MAGI2: variants seen among roughly 807,000 people sequenced by gnomAD.
The protein encoded by MAGI2 is membrane associated guanylate kinase, WW and PDZ domain containing 2.
Under a neutral mutation model 133.3 loss-of-function variants are expected in MAGI2, and 35 were observed. The ratio of observed to expected loss-of-function variants is 0.26; its 90% confidence interval spans 0.20 to 0.35. MAGI2 has a LOEUF of 0.35. Ranked by LOEUF, MAGI2 falls within the 10% of genes least tolerant of loss-of-function variation. The pLI, the probability that MAGI2 is intolerant of heterozygous loss-of-function variation, is 1.00. For synonymous variants in MAGI2, 729 were observed against 710.6 expected, an observed-to-expected ratio of 1.03 and a Z score of -0.41; for missense variants, 1,636 against 1,863.4, an observed-to-expected ratio of 0.88 and a Z score of 2.25.
At chr7:78,688,962 G>T (rs533920932) in intron 2 of MAGI2, among the ~76,000 whole-genome samples, 2 of 152,290 alleles carry the variant, frequency 1.3e-5, no homozygotes, top group East Asian at 3.9e-4. Context: ...GTCCAGGAAA[G>T]TTAACATTAT....
intron 1 of MAGI2, among the ~76,000 whole-genome samples, chr7:79,426,430 C>T (rs1157194089): frequency 6.6e-6 from 1 of 152,058 alleles, no homozygotes; most frequent in African/African-American, 2.4e-5. Context: ...ATATATTACA[C>T]TATGCCAATC....
chr7:79,222,817 A>G (rs1401255569), intron 1 of MAGI2, among the ~76,000 whole-genome samples: 1 of 152,008 alleles, frequency 6.6e-6, no homozygotes, highest in Non-Finnish European at 1.5e-5. Flanking sequence ...GAGAAAGGAG[A>G]GGGAATGCAT....
intron 2 of MAGI2, among the ~76,000 whole-genome samples, chr7:78,634,171 G>C (rs1584916172): frequency 6.6e-6 from 1 of 152,126 alleles, no homozygotes; most frequent in Admixed American, 6.5e-5. Flanking sequence ...AATCCATTTT[G>C]TCTGATTACA....
chr7:78,188,108 T>G (rs751167329), intron 12 of MAGI2, among the ~76,000 whole-genome samples: 26 of 152,166 alleles, frequency 1.7e-4, no homozygotes, highest in Non-Finnish European at 2.9e-4. Context: ...AAAATATGTG[T>G]CCTACCACAA....
intron 3 of MAGI2, among the ~76,000 whole-genome samples, chr7:78,566,903 A>C (rs918101547): frequency 6.6e-6 from 1 of 152,172 alleles, no homozygotes; most frequent in African/African-American, 2.4e-5. Flanking sequence ...TCACAGGCTG[A>C]GATTTTATTC....
At chr7:78,078,498 C>G (rs1815600044) in intron 21 of MAGI2, 1 of 188,570 alleles carries the variant, frequency 5.3e-6, no homozygotes. Flanking sequence ...ACTTCACACC[C>G]TGAAGATATG....
chr7:78,648,436 C>G (rs1379879779), intron 2 of MAGI2, among the ~76,000 whole-genome samples: 2 of 152,322 alleles, frequency 1.3e-5, no homozygotes, highest in South Asian at 4.1e-4. Flanking sequence ...TCCAAAGATA[C>G]AACAGCTGAA....
intron 2 of MAGI2, among the ~76,000 whole-genome samples, chr7:78,899,644 C>T (rs577146834): frequency 4.6e-5 from 7 of 152,132 alleles, no homozygotes; most frequent in Admixed American, 1.3e-4. Flanking sequence ...CATTGGAATC[C>T]CCTGGGAGGT....
At chr7:78,951,187 G>A (rs184725441) in intron 2 of MAGI2, among the ~76,000 whole-genome samples, 1 of 152,064 alleles carries the variant, frequency 6.6e-6, no homozygotes, top group East Asian at 1.9e-4. Context: ...TGGCTAGGCT[G>A]GTCTTGAACT....
chr7:79,029,597 T>A (rs547239827), intron 1 of MAGI2, among the ~76,000 whole-genome samples: 1 of 152,316 alleles, frequency 6.6e-6, no homozygotes, highest in East Asian at 1.9e-4. Context: ...AGTTATTTAG[T>A]GTAAAATGCA....
chr7:79,363,339 T>C (rs1416057146), intron 1 of MAGI2, among the ~76,000 whole-genome samples: 4 of 141,286 alleles, frequency 2.8e-5, no homozygotes, highest in Non-Finnish European at 6.3e-5. Context: ...CTTAAATCAT[T>C]CTTTGATTTA....
chr7:78,304,275 T>C (rs938652327), intron 9 of MAGI2, among the ~76,000 whole-genome samples: 1 of 152,190 alleles, frequency 6.6e-6, no homozygotes, highest in Non-Finnish European at 1.5e-5. Flanking sequence ...ACAGGGCTCA[T>C]GCTATCTTTC....
At chr7:78,208,542 C>T (rs1787356687) in intron 10 of MAGI2, among the ~76,000 whole-genome samples, 1 of 152,094 alleles carries the variant, frequency 6.6e-6, no homozygotes, top group Non-Finnish European at 1.5e-5. Flanking sequence ...TATTTATGTT[C>T]TGAGCAAGAT....
chr7:78,626,451 A>C (rs932588045), intron 3 of MAGI2, among the ~76,000 whole-genome samples: 8 of 152,172 alleles, frequency 5.3e-5, no homozygotes, highest in Non-Finnish European at 1.2e-4. Flanking sequence ...TAATTTTTAT[A>C]GCAGATAAAT....
rs1829528951 is a variant in MAGI2 at position 78,204,256 on chromosome 7, G to A, written c.2048-3063C>T. Among the ~76,000 whole-genome samples, 2 of 152,120 alleles carry A rather than the reference G, an allele frequency of 1.3e-5. 1 individual carries two copies. The highest frequency in any genetic ancestry group is 4.1e-4 in the South Asian group (2 of 4,834). On this transcript the variant is annotated intron_variant, in intron 10 of 21. Coordinates refer to ENST00000354212, the MANE Select transcript of MAGI2 (RefSeq NM_012301.4). Reference sequence around the variant, plus strand: ...TTGCTAAATTTCGCCTTTGCTGCTTGCCTCACAGATCATAGGACACTATTC... The same window carrying A: ...TTGCTAAATTTCGCCTTTGCTGCTTACCTCACAGATCATAGGACACTATTC...
At chr7:78,950,172 C>T (rs142107193) in intron 2 of MAGI2, among the ~76,000 whole-genome samples, 39 of 152,206 alleles carry the variant, frequency 2.6e-4, no homozygotes, top group African/African-American at 8.4e-4. Context: ...GCTGGCTGCT[C>T]ATCTTATCTT....
chr7:78,259,799 T>C (rs1173311024), intron 9 of MAGI2, among the ~76,000 whole-genome samples: 1 of 152,182 alleles, frequency 6.6e-6, no homozygotes, highest in African/African-American at 2.4e-5. Context: ...AAGGGTTATG[T>C]TGAAAGCTCT....
At chr7:78,961,534 AT>A (rs1177433751) in intron 2 of MAGI2, among the ~76,000 whole-genome samples, 3 of 152,166 alleles carry the variant, frequency 2.0e-5, no homozygotes, top group Non-Finnish European at 4.4e-5. Context: ...AAAAATTTTA[AT>A]TGTGTAACTA....
intron 3 of MAGI2, among the ~76,000 whole-genome samples, chr7:78,559,996 G>T (rs906549310): frequency 8.6e-5 from 13 of 152,042 alleles, no homozygotes; most frequent in African/African-American, 2.9e-4. Flanking sequence ...TCTACATGGG[G>T]ACTTACAGAC....
Sources: gnomAD v4.1 joint callset for allele counts (sites outside exome capture counted in the v4.1 genomes callset) on GRCh38, gnomAD v4.1.1 for gene constraint, MANE v1.5 for transcripts, NCBI Gene and HGNC (gene_info 2026-07-23, HGNC 2026-07-21) for gene names.